The following ELMO1 variants were observed in gnomAD, a reference collection of about 807,000 sequenced individuals.
ELMO1 encodes the protein engulfment and cell motility 1.
ELMO1 carries 26 observed loss-of-function variants against 98.9 expected under a neutral mutation model. The observed-to-expected ratio is 0.26, with a 90% CI of 0.19 to 0.36. ELMO1 has a LOEUF of 0.36. Ranked by LOEUF, ELMO1 falls within the 10% of genes least tolerant of loss-of-function variation. The probability of loss-of-function intolerance (pLI) is 1.00; values close to 1 mark genes in which losing one functional copy is unlikely to be tolerated. For synonymous variants in ELMO1, 346 were observed against 346.0 expected, an observed-to-expected ratio of 1.00 and a Z score of 0.00; for missense variants, 627 against 935.2, an observed-to-expected ratio of 0.67 and a Z score of 4.30.
At chr7:37,172,824 T>C (rs1265092736) in intron 13 of ELMO1, among the ~76,000 whole-genome samples, 1 of 152,226 alleles carries the variant, frequency 6.6e-6, no homozygotes, top group Non-Finnish European at 1.5e-5. Context: ...CGGGTATAAG[T>C]ACTGCATGCT....
At chr7:37,329,364 T>C (rs923022433) in intron 2 of ELMO1, among the ~76,000 whole-genome samples, 7 of 152,222 alleles carry the variant, frequency 4.6e-5, no homozygotes, top group African/African-American at 1.7e-4. Flanking sequence ...TCAGAGTAAT[T>C]AGCATACCCA....
intron 15 of ELMO1, among the ~76,000 whole-genome samples, chr7:37,052,148 G>C (rs552069343): frequency 2.4e-4 from 37 of 152,290 alleles, no homozygotes; most frequent in African/African-American, 8.7e-4. Context: ...ATTTCTGTCT[G>C]TTGAAACCCC....
intron 11 of ELMO1, among the ~76,000 whole-genome samples, chr7:37,215,409 T>C (rs1364220007): frequency 6.6e-6 from 1 of 152,210 alleles, no homozygotes; most frequent in Non-Finnish European, 1.5e-5. Flanking sequence ...TGGGACCTTG[T>C]TGACCCTGAA....
chr7:37,387,517 G>A (rs1310302735), intron 1 of ELMO1, among the ~76,000 whole-genome samples: 1 of 152,136 alleles, frequency 6.6e-6, no homozygotes, highest in African/African-American at 2.4e-5. Flanking sequence ...TCTCATCTTA[G>A]CTAATTGCAT....
At chr7:36,925,899 C>T (rs1785529905) in intron 16 of ELMO1, among the ~76,000 whole-genome samples, 1 of 152,042 alleles carries the variant, frequency 6.6e-6, no homozygotes, top group Admixed American at 6.6e-5. Flanking sequence ...ATGTTTCTAT[C>T]CCCCAGCACC....
chr7:37,289,877 G>A (rs2717981), intron 4 of ELMO1, among the ~76,000 whole-genome samples: 53,345 of 151,930 alleles, frequency 0.35, 10,516 homozygotes, highest in Middle Eastern at 0.54. Context: ...AACATTACAA[G>A]CATTAAAAAC....
At chr7:37,377,843 C>G (rs1196198931) in intron 1 of ELMO1, among the ~76,000 whole-genome samples, 1 of 152,156 alleles carries the variant, frequency 6.6e-6, no homozygotes, top group Non-Finnish European at 1.5e-5. Flanking sequence ...AAAAGCACAA[C>G]AGGGCCTGCT....
chr7:37,191,217 A>G (rs1791555580), intron 13 of ELMO1, among the ~76,000 whole-genome samples: 1 of 151,252 alleles, frequency 6.6e-6, no homozygotes, highest in Non-Finnish European at 1.5e-5. Flanking sequence ...GAAAGAAAAT[A>G]TCTGGAAAGA....
chr7:37,232,691 A>G (rs537894425), intron 8 of ELMO1, among the ~76,000 whole-genome samples: 1 of 152,334 alleles, frequency 6.6e-6, no homozygotes, highest in South Asian at 2.1e-4. Flanking sequence ...CTTCAAACCT[A>G]GGTGTGCAGG....
At chr7:37,337,540 A>AAAAAAC (rs1562625799) in intron 2 of ELMO1, among the ~76,000 whole-genome samples, 1 of 141,484 alleles carries the variant, frequency 7.1e-6, no homozygotes, top group Non-Finnish European at 1.5e-5. Flanking sequence ...AAAAAAAAAA[A>AAAAAAC]AACACCTATG....
intron 14 of ELMO1, among the ~76,000 whole-genome samples, chr7:37,115,861 A>G (rs953970299): frequency 1.3e-5 from 2 of 152,226 alleles, no homozygotes; most frequent in African/African-American, 2.4e-5. Context: ...AATACATAAA[A>G]TCTTGGAACT....
At chr7:36,974,043 C>T (rs1038581780) in intron 16 of ELMO1, among the ~76,000 whole-genome samples, 6 of 152,234 alleles carry the variant, frequency 3.9e-5, no homozygotes, top group Non-Finnish European at 5.9e-5. Context: ...GGCTCCTGTG[C>T]GTCTGGAGCC....
intron 20 of ELMO1, among the ~76,000 whole-genome samples, chr7:36,865,233 G>A (rs1802945797): frequency 6.6e-6 from 1 of 152,104 alleles, no homozygotes; most frequent in Non-Finnish European, 1.5e-5. Context: ...TATCTATCCA[G>A]GTCATCATGA....
intron 15 of ELMO1, among the ~76,000 whole-genome samples, chr7:37,056,506 A>C (rs555582417): frequency 6.6e-6 from 1 of 152,334 alleles, no homozygotes; most frequent in Admixed American, 6.5e-5. Context: ...CCACAAACTG[A>C]GTTTATTTAA....
At chr7:37,391,598 C>T (rs564693645) in intron 1 of ELMO1, among the ~76,000 whole-genome samples, 10 of 152,206 alleles carry the variant, frequency 6.6e-5, no homozygotes, top group South Asian at 2.1e-4. Flanking sequence ...GAGGTGCACA[C>T]GGCCTTCGTT....
chr7:37,373,883 C>T (rs995529504), intron 1 of ELMO1, among the ~76,000 whole-genome samples: 2 of 152,214 alleles, frequency 1.3e-5, no homozygotes, highest in African/African-American at 4.8e-5. Context: ...ACCAGCAAAG[C>T]AGGAGCACCC....
chr7:37,383,877 G>A (rs558808995), intron 1 of ELMO1, among the ~76,000 whole-genome samples: 7 of 152,190 alleles, frequency 4.6e-5, no homozygotes, highest in African/African-American at 1.2e-4. Flanking sequence ...GTGCAGTGGC[G>A]CGATCTCGGC....
intron 15 of ELMO1, among the ~76,000 whole-genome samples, chr7:37,085,537 G>A (rs1204719715): frequency 6.6e-6 from 1 of 152,020 alleles, no homozygotes; most frequent in Non-Finnish European, 1.5e-5. Flanking sequence ...ATTTCATGCT[G>A]CCTTCCATAC....
chr7:37,097,608 G>GA (rs371563717), intron 14 of ELMO1, among the ~76,000 whole-genome samples: 9 of 142,206 alleles, frequency 6.3e-5, no homozygotes, highest in East Asian at 4.1e-4. Flanking sequence ...GAGAGAAAGA[G>GA]AAAAAAAAAG....
Sources: allele counts gnomAD v4.1 joint callset (sites outside exome capture counted in the v4.1 genomes callset), GRCh38; gene constraint gnomAD v4.1.1; transcripts MANE v1.5; gene names NCBI Gene and HGNC (gene_info 2026-07-23, HGNC 2026-07-21).